Variants in TNIP1 observed in about 807,000 individuals in gnomAD.
TNIP1 encodes the protein TNFAIP3 interacting protein 1.
TNIP1 carries 22 observed loss-of-function variants against 86.6 expected under a neutral mutation model. The ratio of observed to expected loss-of-function variants is 0.25; its 90% confidence interval spans 0.18 to 0.36. The LOEUF is 0.36. TNIP1 is among the 10% of genes least tolerant of loss of function. TNIP1 has a pLI of 1.00. For missense variants in TNIP1, 709 were observed against 820.6 expected (o/e 0.86, Z 1.66); for synonymous variants, 294 against 313.0 (o/e 0.94, Z 0.64).
rs765071000 is a variant in TNIP1, at chr5:151,049,894, C to T, written c.776G>A (p.Gly259Asp). The T allele has an allele frequency of 3.1e-6, 5 of 1,614,090 alleles. No individual in the cohort carries two copies. In the East Asian group the frequency reaches 6.7e-5, roughly 22 times the overall value. Residue 259 changes from glycine to aspartate, a missense_variant, in exon 8 of 18, where the codon GGT becomes GAT. Transcript: ENST00000521591. ...KLLMSNGNKE[G>D]ASGRPGSPKM... ...CGGTGAGCCTGGCCGCCCAGACGCA[C>T]CCTCTTTGTTGCCATTGCTCATCAA...
intron 1 of TNIP1, among the ~76,000 whole-genome samples, chr5:151,068,807 ATCT>A (rs112220627): frequency 0.076 from 11,590 of 152,142 alleles, 884 homozygotes; most frequent in African/African-American, 0.2. Context: ...CCCCCACCAC[ATCT>A]TCTCAGAGTC....
At chr5:151,036,055 T>A (rs2113300088) in intron 13 of TNIP1, among the ~76,000 whole-genome samples, 1 of 152,266 alleles carries the variant, frequency 6.6e-6, no homozygotes, top group Admixed American at 6.5e-5. Flanking sequence ...AGAGTTTGGA[T>A]CTGCTGGTTC....
chr5:151,054,055 A>G (rs1216941598), intron 6 of TNIP1, among the ~76,000 whole-genome samples: 1 of 152,220 alleles, frequency 6.6e-6, no homozygotes, highest in Non-Finnish European at 1.5e-5. Flanking sequence ...GGCCAACAAA[A>G]GAGGTGTAGA....
intron 9 of TNIP1, 99 bp downstream of exon 9, chr5:151,045,762 C>G: frequency 8.1e-7 from 1 of 1,233,512 alleles, no homozygotes. Flanking sequence ...TCATGGTGAC[C>G]TGGGACCTGC....
At chr5:151,038,540 G>C (rs972277752) in intron 12 of TNIP1, among the ~76,000 whole-genome samples, 2 of 152,084 alleles carry the variant, frequency 1.3e-5, no homozygotes, top group Non-Finnish European at 1.5e-5. Context: ...CTCTACCCTG[G>C]GGGCCCCATC....
intron 6 of TNIP1, among the ~76,000 whole-genome samples, chr5:151,056,230 T>TC (rs1426331450): frequency 6.6e-6 from 1 of 152,126 alleles, no homozygotes; most frequent in Non-Finnish European, 1.5e-5. Context: ...ATCTGTCCAT[T>TC]CCCCACAGCA....
Position 151,030,687 on chromosome 5 carries a change from G to T in TNIP1, c.*26C>A. The T allele has an allele frequency of 6.2e-7, 1 of 1,614,162 alleles. No homozygotes were observed. ...GATCAGCTGGCTCTGCAAGATGAAG[G>T]TGGAGCCAAATGACACAATCTGGTC... On this transcript the variant is annotated 3_prime_UTR_variant, in exon 18 of 18. Transcript: ENST00000521591.
upstream of TNIP1, among the ~76,000 whole-genome samples, chr5:151,081,508 A>G (rs4958438): frequency 0.18 from 27,796 of 152,136 alleles, 3,407 homozygotes; most frequent in East Asian, 0.51. Flanking sequence ...TCTTCTTAAC[A>G]AAGCTATAGA....
chr5:151,040,698 CT>C lies in TNIP1; in HGVS notation c.1135-1474del, dbSNP rs1429967336. Among the ~76,000 whole-genome samples the C allele has an allele frequency of 2.0e-5, 3 of 152,182 alleles. No homozygotes were observed. The East Asian group carries it at 5.8e-4, about 29-fold the overall frequency. On this transcript the variant is annotated intron_variant, in intron 11 of 17. Transcript: ENST00000521591. Reference sequence around the variant, plus strand: ...GACAGAAGTGTTCTCCCTACCACACCTCCAAGGTAAGGGGGTGTCACAGACG... The same window carrying C: ...GACAGAAGTGTTCTCCCTACCACACCCCAAGGTAAGGGGGTGTCACAGACG...
At chr5:151,064,262 A>T (rs568667648) in intron 2 of TNIP1, among the ~76,000 whole-genome samples, 24 of 152,236 alleles carry the variant, frequency 1.6e-4, no homozygotes, top group Non-Finnish European at 3.5e-4. Flanking sequence ...TCTGCCAAGC[A>T]AGGAGAAAGC....
intron 9 of TNIP1, among the ~76,000 whole-genome samples, chr5:151,045,148 G>A (rs1056970652): frequency 1.3e-5 from 2 of 152,100 alleles, no homozygotes; most frequent in Non-Finnish European, 2.9e-5. Flanking sequence ...CTGGCACGCG[G>A]TGGCACGGTC....
intron 9 of TNIP1, 97 bp from the exon 10 acceptor site, chr5:151,043,058 GGT>G: frequency 7.9e-7 from 1 of 1,270,954 alleles, no homozygotes; most frequent in Admixed American, 1.7e-5. Flanking sequence ...AGGTGTGCTC[GGT>G]GTGTGTGAAT....
At chr5:151,036,523 T>C (rs1757724967) in intron 13 of TNIP1, among the ~76,000 whole-genome samples, 1 of 152,242 alleles carries the variant, frequency 6.6e-6, no homozygotes, top group African/African-American at 2.4e-5. Context: ...AATTCATTTA[T>C]TTAGAATTTA....
intron 5 of TNIP1, among the ~76,000 whole-genome samples, chr5:151,059,748 C>G (rs544834331): frequency 7.4e-6 from 1 of 135,564 alleles, no homozygotes; most frequent in South Asian, 2.5e-4. Flanking sequence ...AATGAGGATG[C>G]TGGGCAGACG....
At position 151,071,584 on chromosome 5, in the gene TNIP1, A is replaced by G. The variant is rs142032048; in HGVS notation, c.-36-6453T>C. On this transcript the variant is annotated intron_variant, in intron 1 of 17. Coordinates refer to ENST00000521591, the MANE Select transcript of TNIP1 (RefSeq NM_006058.5). ...CCAATCCCTTCTAAGGCCCAGGTGG[A>G]TTTCCCTAACCCATCAGTCCTCCCA... Among the ~76,000 whole-genome samples, 178 of 152,066 alleles carry G rather than the reference A, an allele frequency of 1.2e-3. 1 individual carries two copies. Among genetic ancestry groups the G allele is most frequent in the African/African-American group, 4.0e-3 (164 of 41,454 alleles).
At chr5:151,042,767 G>A in intron 10 of TNIP1, 96 bp from the exon 11 acceptor site, 1 of 1,594,332 alleles carries the variant, frequency 6.3e-7, no homozygotes, top group South Asian at 1.1e-5. Context: ...CTCCAACACT[G>A]CCCCCAACTT....
Position 151,039,693 on chromosome 5 carries a change from C to T in TNIP1, c.1135-468G>A, listed in dbSNP as rs139886458. On this transcript the variant is annotated intron_variant, in intron 11 of 17. Coordinates refer to ENST00000521591, the MANE Select transcript of TNIP1 (RefSeq NM_006058.5). ...TGACCAGATTCACATGGGGGTCTTC[C>T]GTGATCCACAGAAAGCGATAAACTA... Among the ~76,000 whole-genome samples, 1,240 of 152,306 alleles carry T rather than the reference C, an allele frequency of 8.1e-3. 17 individuals are homozygous for T. The highest frequency in any genetic ancestry group is 0.028 in the African/African-American group (1,172 of 41,546).
rs997064421 is a variant in TNIP1 at position 151,081,015 on chromosome 5, C to G, written c.-172G>C. 6.6e-6 allele frequency: 1 copy of G among 152,114 alleles called. No homozygotes were observed. The highest frequency in any genetic ancestry group is 1.5e-5 in the Non-Finnish European group (1 of 68,034). The allele number at this position is 152,114 out of a possible 1,614,324, so 9.4% of individuals were successfully genotyped here. On this transcript the variant is annotated 5_prime_UTR_variant, in exon 1 of 18. Coordinates refer to ENST00000521591, the MANE Select transcript of TNIP1 (RefSeq NM_006058.5). ...GGCTCCTGGACGGGGGCAGGGCACC[C>G]GGGCCGAGGACGAGGAAGTGCCGGG... is the stretch of plus-strand genomic sequence containing the variant.
intron 8 of TNIP1, 41 bp downstream of exon 8, chr5:151,049,783 T>G: frequency 6.2e-7 from 1 of 1,612,298 alleles, no homozygotes; most frequent in Non-Finnish European, 8.5e-7. Context: ...GCTGAGTACC[T>G]GCAACCAAGG....
Sources: gnomAD v4.1 joint callset for allele counts (sites outside exome capture counted in the v4.1 genomes callset) on GRCh38, gnomAD v4.1.1 for gene constraint, MANE v1.5 for transcripts, NCBI Gene and HGNC (gene_info 2026-07-23, HGNC 2026-07-21) for gene names.